Variants in TCEANC2 observed in about 807,000 individuals in gnomAD.
TCEANC2 encodes the protein transcription elongation factor A N-terminal and central domain-containing protein 2.
A neutral mutation model predicts 22.8 loss-of-function variants in TCEANC2; 20 were observed. The ratio of observed to expected loss-of-function variants is 0.88; its 90% CI spans 0.62 to 1.28. The LOEUF (loss-of-function observed/expected upper bound fraction) is 1.28, where lower values mean the gene tolerates loss of function less well. TCEANC2 is among the 50% of genes most tolerant of loss of function. The pLI, the probability that TCEANC2 is intolerant of heterozygous loss-of-function variation, is 0.00. For synonymous variants in TCEANC2, 84 were observed against 95.5 expected (o/e 0.88, Z 0.70); for missense variants, 251 against 249.7 (o/e 1.01, Z -0.03).
At position 54,088,653 on chromosome 1, in the gene TCEANC2, A is replaced by G. The variant is rs1472393742; in HGVS notation, c.301A>G (p.Arg101Gly). Residue 101 changes from arginine (R) to glycine (G), a missense_variant, in exon 4 of 5, where the codon AGA becomes GGA. Transcript: ENST00000234827. ...HSDSEVASLA[R>G]EVYTEWKTFT... ...AGATTCAGAAGTGGCTTCTCTTGCC[A>G]GAGAAGTTTACACTGAGTGGAAAAC... 1.9e-6 allele frequency: 3 copies of G among 1,609,102 alleles called. No individual in the cohort carries two copies. Among genetic ancestry groups the G allele is most frequent in the Non-Finnish European group, 2.5e-6 (3 of 1,178,526 alleles).
rs1349213537 is a variant in TCEANC2 at position 54,099,256 on chromosome 1, AGAGAT to A, written c.*2785_*2789del. On this transcript the variant is annotated 3_prime_UTR_variant, in exon 5 of 5. Coordinates refer to ENST00000234827, the MANE Select transcript of TCEANC2 (RefSeq NM_153035.3). ...GATAGTTGGAAAGTAGAATGATTGC[AGAGAT>A]GTGCTTTGGAGATTTGGAAAGCAGG... 6.6e-6 allele frequency: 1 copy of A among 152,372 alleles called. No individual in the cohort carries two copies. Among genetic ancestry groups the A allele is most frequent in the Non-Finnish European group, 1.5e-5 (1 of 68,042 alleles). The allele number at this position is 152,372 out of a possible 1,614,324, so 9.4% of individuals were successfully genotyped here. A position where few individuals can be genotyped will look rare whatever the true frequency, so the allele number is the denominator to read the frequency against.
chr1:54,069,826 G>A (rs1658024788), intron 3 of TCEANC2, among the ~76,000 whole-genome samples: 1 of 152,148 alleles, frequency 6.6e-6, no homozygotes, highest in Non-Finnish European at 1.5e-5. Context: ...ATATTTAAAA[G>A]GTAAGTCAGG....
chr1:54,077,110 A>C (rs759727314), intron 3 of TCEANC2, among the ~76,000 whole-genome samples: 21 of 152,136 alleles, frequency 1.4e-4, no homozygotes, highest in Non-Finnish European at 2.5e-4. Flanking sequence ...CTCCTTAGAG[A>C]AACCTTATCA....
chr1:54,057,747 A>T (rs770767086), intron 2 of TCEANC2, among the ~76,000 whole-genome samples: 1 of 152,130 alleles, frequency 6.6e-6, no homozygotes, highest in Non-Finnish European at 1.5e-5. Context: ...ATCAATAAAG[A>T]TCACAGTTTT....
intron 3 of TCEANC2, among the ~76,000 whole-genome samples, chr1:54,080,144 T>G (rs569422916): frequency 2.9e-4 from 44 of 151,638 alleles, no homozygotes; most frequent in African/African-American, 9.4e-4. Context: ...CCAATTTTCT[T>G]TCTTTTTTTT....
chr1:54,071,516 A>G (rs951382667), intron 3 of TCEANC2, among the ~76,000 whole-genome samples: 1 of 152,220 alleles, frequency 6.6e-6, no homozygotes, highest in Non-Finnish European at 1.5e-5. Context: ...CAAGTGATCC[A>G]GGAAAGAACA....
chr1:54,061,614 A>G (rs977753926), intron 2 of TCEANC2, among the ~76,000 whole-genome samples: 1 of 152,234 alleles, frequency 6.6e-6, no homozygotes, highest in African/African-American at 2.4e-5. Context: ...TTTATCATTT[A>G]TATTTTACAG....
chr1:54,096,619 C>T lies in TCEANC2; in HGVS notation c.*146C>T, dbSNP rs572851626. The T allele has an allele frequency of 5.0e-4, 702 of 1,398,358 alleles. 5 individuals are homozygous for T. In the South Asian group the frequency reaches 5.6e-3, roughly 11 times the overall value. The allele number at this position is 1,398,358 out of a possible 1,614,324, so 86.6% of individuals were successfully genotyped here. On this transcript the variant is annotated 3_prime_UTR_variant, in exon 5 of 5. Transcript: ENST00000234827. This position sits in a 1 kb window ranked among gnomAD's most constrained non-coding sequence, Gnocchi z 4.9. ...GCCGTTCCTTTGCAGACAGAGGATT[C>T]GGAGAGCCCTAGGAGACAGGCCTGC...
intron 2 of TCEANC2, among the ~76,000 whole-genome samples, chr1:54,055,427 C>T (rs1326050080): frequency 6.6e-6 from 1 of 152,122 alleles, no homozygotes; most frequent in African/African-American, 2.4e-5. Context: ...GTACTTAGTC[C>T]CCTTTGTCAT....
intron 4 of TCEANC2, chr1:54,090,112 T>G: frequency 1.8e-6 from 1 of 546,996 alleles, no homozygotes; most frequent in South Asian, 2.3e-5. Context: ...TTCCAGCTGG[T>G]GTAATAATGA....
At chr1:54,106,372 C>T (rs1162630550), downstream of TCEANC2, among the ~76,000 whole-genome samples, 1 of 152,010 alleles carries the variant, frequency 6.6e-6, no homozygotes, top group Non-Finnish European at 1.5e-5. Flanking sequence ...TTTTAATTTT[C>T]CAGTAGCCAC....
intron 3 of TCEANC2, among the ~76,000 whole-genome samples, chr1:54,076,953 G>A (rs1175411806): frequency 1.3e-5 from 2 of 152,052 alleles, no homozygotes; most frequent in African/African-American, 4.8e-5. Context: ...TGGATGGTCT[G>A]GGCTGGAGTA....
Position 54,070,183 on chromosome 1 carries a change from T to C in TCEANC2, c.244+1286T>C, listed in dbSNP as rs551435950. Among the ~76,000 whole-genome samples, 13 of 152,314 alleles carry C rather than the reference T, an allele frequency of 8.5e-5. 1 individual carries two copies. The South Asian group carries it at 2.5e-3, about 29-fold the overall frequency. On this transcript the variant is annotated intron_variant, in intron 3 of 4. Coordinates refer to ENST00000234827, the MANE Select transcript of TCEANC2 (RefSeq NM_153035.3). ...GCTTTAAGAATATAAGACCCTATCA[T>C]TGTAGCCAAGGAGATTCTCCCATCT...
At chr1:54,076,856 A>G (rs1037067744) in intron 3 of TCEANC2, among the ~76,000 whole-genome samples, 2 of 152,218 alleles carry the variant, frequency 1.3e-5, no homozygotes, top group African/African-American at 2.4e-5. Context: ...AAGAAGAAAC[A>G]TAATAAACAA....
intron 3 of TCEANC2, among the ~76,000 whole-genome samples, chr1:54,083,952 A>T (rs56081698): frequency 0.098 from 14,845 of 152,126 alleles, 1,717 homozygotes; most frequent in African/African-American, 0.28. Flanking sequence ...TTTTTTCACT[A>T]AACTAAAAAA....
exon 5 of TCEANC2, chr1:54,111,660 T>C (rs1658841704): frequency 1.3e-5 from 2 of 152,232 alleles, no homozygotes; most frequent in South Asian, 4.1e-4. Flanking sequence ...AGCTCTCCCA[T>C]GTAACCCTCA....
At position 54,104,962 on chromosome 1, in the gene TCEANC2, G is replaced by C. The variant is rs116714439; in HGVS notation, c.*8489G>C. On this transcript the variant is annotated 3_prime_UTR_variant, in exon 5 of 5. Coordinates refer to ENST00000234827, the MANE Select transcript of TCEANC2 (RefSeq NM_153035.3). ...GTCTAAATCATGCCTCCGTGGAAGT[G>C]ACGGAGACCGGAACACGTGCTGGCT... 7.7e-3 allele frequency: 1,487 copies of C among 193,454 alleles called. 26 individuals are homozygous for C. The highest frequency in any genetic ancestry group is 0.032 in the African/African-American group (1,385 of 43,194). 12.0% of individuals were successfully genotyped at this position (193,454 alleles called of 1,614,324 possible).
At chr1:54,058,710 G>T (rs1657797702) in intron 2 of TCEANC2, among the ~76,000 whole-genome samples, 2 of 152,298 alleles carry the variant, frequency 1.3e-5, no homozygotes, top group African/African-American at 4.8e-5. Context: ...AAGCTGGAGT[G>T]CAGTGGCGAG....
intron 2 of TCEANC2, among the ~76,000 whole-genome samples, chr1:54,058,902 G>A (rs550544786): frequency 1.5e-3 from 221 of 152,214 alleles, no homozygotes; most frequent in Non-Finnish European, 2.1e-3. Flanking sequence ...TGATCCTCCC[G>A]CCTCGGCCTC....
Sources: allele counts gnomAD v4.1 joint callset (sites outside exome capture counted in the v4.1 genomes callset), GRCh38; gene constraint gnomAD v4.1.1; non-coding constraint Gnocchi (gnomAD v3.1); transcripts MANE v1.5; gene names NCBI Gene and HGNC (gene_info 2026-07-23, HGNC 2026-07-21).